The following SH3GL3 variants were observed in gnomAD, a reference collection of about 807,000 sequenced individuals.
SH3GL3 encodes the protein SH3 domain containing GRB2 like 3, endophilin A3, also known as endophilin-A3.
In SH3GL3, 33 loss-of-function variants were observed where a neutral mutation model predicts 47.7. That is an observed-to-expected ratio of 0.69 (90% CI 0.52 to 0.92). The LOEUF is 0.92. SH3GL3 is among the 40% of genes least tolerant of loss of function. The probability of loss-of-function intolerance (pLI) is 0.00; values close to 1 mark genes in which losing one functional copy is unlikely to be tolerated. For synonymous variants in SH3GL3, 155 were observed against 148.8 expected, an observed-to-expected ratio of 1.04 and a Z score of -0.30; for missense variants, 363 against 417.8, an observed-to-expected ratio of 0.87 and a Z score of 1.14.
chr15:83,594,337 GT>G (rs2060187011), intron 8 of SH3GL3, among the ~76,000 whole-genome samples: 2 of 152,104 alleles, frequency 1.3e-5, no homozygotes, highest in South Asian at 4.1e-4. Flanking sequence ...TTGTGGGAAA[GT>G]TTTTTTAAAT....
At chr15:83,543,665 C>T (rs930844396) in intron 1 of SH3GL3, among the ~76,000 whole-genome samples, 6 of 151,862 alleles carry the variant, frequency 4.0e-5, no homozygotes, top group Non-Finnish European at 5.9e-5. Context: ...GTATTTCAAA[C>T]GAGATCAAAT....
intron 1 of SH3GL3, among the ~76,000 whole-genome samples, chr15:83,500,002 C>T (rs991137924): frequency 6.6e-6 from 1 of 152,190 alleles, no homozygotes; most frequent in African/African-American, 2.4e-5. Flanking sequence ...AGAAGATCAT[C>T]TGAAAGGGAG....
chr15:83,633,715 G>A, the SH3GL3 span, among the ~76,000 whole-genome samples: 1 of 152,160 alleles, frequency 6.6e-6, no homozygotes, highest in African/African-American at 2.4e-5. Context: ...TCCTTTAAAA[G>A]CCCCTGCTTT....
In SH3GL3 at chr15:83,525,273, A is replaced by G. The variant is rs574301058; in HGVS notation, c.46-33980A>G. ...GATTAGTGATGGTGAGCATTTTTTC[A>G]TATATCTTTTAGCCACTTGTATATC... is the stretch of plus-strand genomic sequence containing the variant. On this transcript the variant is annotated intron_variant, in intron 1 of 8. Transcript: ENST00000427482. 4.0e-5 allele frequency among the ~76,000 whole-genome samples: 6 copies of G among 151,636 alleles called. No individual in the cohort carries two copies. In the East Asian group the frequency reaches 9.7e-4, roughly 25 times the overall value.
At chr15:83,633,463 G>A in the SH3GL3 span, among the ~76,000 whole-genome samples, 1 of 152,118 alleles carries the variant, frequency 6.6e-6, no homozygotes, top group African/African-American at 2.4e-5. Context: ...GTGCTTAGAA[G>A]CTCCAGAGTA....
At chr15:83,503,519 G>C (rs1056562377) in intron 1 of SH3GL3, among the ~76,000 whole-genome samples, 2 of 152,188 alleles carry the variant, frequency 1.3e-5, no homozygotes, top group African/African-American at 4.8e-5. Context: ...CTCAGATTAT[G>C]AGTTTAAGAT....
At chr15:83,580,223 T>C (rs1333089871) in intron 6 of SH3GL3, among the ~76,000 whole-genome samples, 3 of 152,164 alleles carry the variant, frequency 2.0e-5, no homozygotes, top group Non-Finnish European at 2.9e-5. Flanking sequence ...AAGTCCTGCA[T>C]GAGGAGCTGT....
intron 8 of SH3GL3, among the ~76,000 whole-genome samples, chr15:83,600,833 T>C (rs1364026769): frequency 6.6e-6 from 1 of 152,212 alleles, no homozygotes; most frequent in Non-Finnish European, 1.5e-5. Context: ...GAGCATGGGA[T>C]GTGTTTCCAT....
chr15:83,554,189 A>G (rs182791292), intron 1 of SH3GL3, among the ~76,000 whole-genome samples: 1 of 150,576 alleles, frequency 6.6e-6, no homozygotes, highest in Non-Finnish European at 1.5e-5. Flanking sequence ...CACCACATCC[A>G]GCTGATTTTT....
At chr15:83,628,086 C>T in the SH3GL3 span, among the ~76,000 whole-genome samples, 2 of 152,184 alleles carry the variant, frequency 1.3e-5, no homozygotes, top group Non-Finnish European at 2.9e-5. Context: ...GGCACTCAAA[C>T]ACACATTTTC....
chr15:83,548,135 T>C (rs536419938), intron 1 of SH3GL3, among the ~76,000 whole-genome samples: 2 of 151,600 alleles, frequency 1.3e-5, no homozygotes, highest in Non-Finnish European at 2.9e-5. Flanking sequence ...ACAACAAGAG[T>C]CTCACTTAAC....
chr15:83,510,243 G>A (rs2042692239), intron 1 of SH3GL3, among the ~76,000 whole-genome samples: 1 of 152,200 alleles, frequency 6.6e-6, no homozygotes, highest in African/African-American at 2.4e-5. Context: ...ATTGCTTCAT[G>A]TAGATACAAT....
chr15:83,630,849 G>A, the SH3GL3 span, among the ~76,000 whole-genome samples: 2 of 152,038 alleles, frequency 1.3e-5, no homozygotes, highest in Non-Finnish European at 1.5e-5. Flanking sequence ...AGTCTTCACA[G>A]CTCAAAACAC....
intron 8 of SH3GL3, among the ~76,000 whole-genome samples, chr15:83,591,989 A>T (rs928486365): frequency 8.6e-5 from 13 of 151,766 alleles, no homozygotes; most frequent in East Asian, 5.8e-4. Flanking sequence ...ATACATTTTT[A>T]AAAAAAACAT....
chr15:83,561,339 A>G (rs2045259360), intron 2 of SH3GL3, among the ~76,000 whole-genome samples: 1 of 151,854 alleles, frequency 6.6e-6, no homozygotes, highest in East Asian at 1.9e-4. Context: ...ATTTAAAAAT[A>G]TGTAAAAATA....
At chr15:83,479,076 A>G (rs1010417395) in intron 1 of SH3GL3, among the ~76,000 whole-genome samples, 1 of 152,082 alleles carries the variant, frequency 6.6e-6, no homozygotes, top group Non-Finnish European at 1.5e-5. Flanking sequence ...GATATCACAC[A>G]TTTCCGTCGT....
At chr15:83,630,070 T>C in the SH3GL3 span, among the ~76,000 whole-genome samples, 1 of 152,188 alleles carries the variant, frequency 6.6e-6, no homozygotes, top group African/African-American at 2.4e-5. Context: ...GATAGTTTTA[T>C]AAAAAGAAGT....
chr15:83,506,516 GT>G (rs765755375), intron 1 of SH3GL3, among the ~76,000 whole-genome samples: 11 of 152,072 alleles, frequency 7.2e-5, no homozygotes, highest in Non-Finnish European at 1.3e-4. Context: ...CGTTACTCTT[GT>G]TTTTCGGCAT....
chr15:83,460,955 C>T (rs2040264483), intron 1 of SH3GL3, among the ~76,000 whole-genome samples: 1 of 151,972 alleles, frequency 6.6e-6, no homozygotes, highest in Non-Finnish European at 1.5e-5. Context: ...TGGTGGCGGG[C>T]ACCTGTATTC....
Sources: gnomAD v4.1 joint callset for allele counts (sites outside exome capture counted in the v4.1 genomes callset) on GRCh38, gnomAD v4.1.1 for gene constraint, MANE v1.5 for transcripts, NCBI Gene and HGNC (gene_info 2026-07-23, HGNC 2026-07-21) for gene names.